SOX5: variants seen among roughly 807,000 people sequenced by gnomAD.
SOX5 encodes transcription factor SOX-5.
In SOX5, 9 loss-of-function variants were observed where a neutral mutation model predicts 92.0. The observed-to-expected ratio is 0.10, with a 90% CI of 0.06 to 0.17. The LOEUF (loss-of-function observed/expected upper bound fraction) is 0.17, where lower values mean the gene tolerates loss of function less well. SOX5 is among the 10% of genes least tolerant of loss of function. The probability of loss-of-function intolerance (pLI) is 1.00; values close to 1 mark genes in which losing one functional copy is unlikely to be tolerated. For missense variants in SOX5, 642 were observed against 944.5 expected (o/e 0.68, Z 4.20); for synonymous variants, 344 against 336.3 (o/e 1.02, Z -0.25).
At chr12:23,864,188 C>T (rs551142321) in intron 2 of SOX5, among the ~76,000 whole-genome samples, 37 of 152,086 alleles carry the variant, frequency 2.4e-4, no homozygotes, top group Admixed American at 1.4e-3. Flanking sequence ...CACCACTAAC[C>T]GCACCCATAT....
At chr12:24,458,258 A>G (rs2137438124) in intron 1 of SOX5, among the ~76,000 whole-genome samples, 1 of 152,332 alleles carries the variant, frequency 6.6e-6, no homozygotes, top group Middle Eastern at 3.4e-3. Flanking sequence ...GTGGACTAAT[A>G]TTTGACATTA....
intron 1 of SOX5, among the ~76,000 whole-genome samples, chr12:23,927,017 G>T (rs1055471811): frequency 2.0e-5 from 3 of 152,028 alleles, no homozygotes; most frequent in Non-Finnish European, 1.5e-5. Flanking sequence ...AAGATGATCT[G>T]CTAATACAAA....
At chr12:23,888,714 A>C (rs747132158) in intron 2 of SOX5, among the ~76,000 whole-genome samples, 1 of 152,182 alleles carries the variant, frequency 6.6e-6, no homozygotes, top group Non-Finnish European at 1.5e-5. Context: ...ATAATGATTG[A>C]ACCACTTACA....
chr12:23,656,651 C>T (rs374192196), intron 7 of SOX5, among the ~76,000 whole-genome samples: 3 of 151,896 alleles, frequency 2.0e-5, no homozygotes. Flanking sequence ...CATATATCCT[C>T]AGGTATATGA....
intron 1 of SOX5, among the ~76,000 whole-genome samples, chr12:24,470,217 T>C (rs1944656783): frequency 6.6e-6 from 1 of 152,214 alleles, no homozygotes; most frequent in African/African-American, 2.4e-5. Flanking sequence ...TGAATTTGAT[T>C]GCCCAATTAC....
intron 4 of SOX5, among the ~76,000 whole-genome samples, chr12:24,145,671 C>CT (rs1212866039): frequency 6.6e-6 from 1 of 151,982 alleles, no homozygotes; most frequent in Non-Finnish European, 1.5e-5. Context: ...GATTTTTTAT[C>CT]TTTTTTGTAT....
At chr12:24,009,373 T>C (rs569643127) in intron 4 of SOX5, among the ~76,000 whole-genome samples, 1 of 152,330 alleles carries the variant, frequency 6.6e-6, no homozygotes, top group East Asian at 1.9e-4. Flanking sequence ...TTTTTGATTC[T>C]TAGGCTCCCA....
At chr12:24,207,012 C>T (rs1958091214) in intron 4 of SOX5, among the ~76,000 whole-genome samples, 1 of 152,204 alleles carries the variant, frequency 6.6e-6, no homozygotes, top group Non-Finnish European at 1.5e-5. Context: ...GGGAATAGGG[C>T]TCCCCTCTTC....
intron 3 of SOX5, among the ~76,000 whole-genome samples, chr12:23,834,545 G>T (rs2096382762): frequency 6.6e-6 from 1 of 151,892 alleles, no homozygotes; most frequent in South Asian, 2.1e-4. Flanking sequence ...TTGGACATTT[G>T]TTAAGGTCTC....
chr12:23,595,559 C>T (rs1952258438), intron 9 of SOX5, among the ~76,000 whole-genome samples: 1 of 135,348 alleles, frequency 7.4e-6, no homozygotes, highest in Non-Finnish European at 1.5e-5. Flanking sequence ...GCGGAGCTTG[C>T]AGTGAGCCCA....
At chr12:23,949,922 G>A (rs777047235), upstream of SOX5, among the ~76,000 whole-genome samples, 4 of 151,298 alleles carry the variant, frequency 2.6e-5, no homozygotes, top group Non-Finnish European at 5.9e-5. Flanking sequence ...CCGGCTGCAA[G>A]GCTCTAGACA....
chr12:23,772,404 G>C (rs1400057654), intron 3 of SOX5, among the ~76,000 whole-genome samples: 1 of 152,080 alleles, frequency 6.6e-6, no homozygotes, highest in Non-Finnish European at 1.5e-5. Flanking sequence ...AAATAACAAA[G>C]CTGGCTAAAA....
chr12:24,408,515 C>T (rs1963460492), intron 1 of SOX5, among the ~76,000 whole-genome samples: 1 of 152,078 alleles, frequency 6.6e-6, no homozygotes, highest in Non-Finnish European at 1.5e-5. Flanking sequence ...CTCAGGTTGC[C>T]TTTTTATAGC....
intron 5 of SOX5, among the ~76,000 whole-genome samples, chr12:23,736,210 T>C (rs1436932007): frequency 2.0e-5 from 3 of 150,810 alleles, no homozygotes; most frequent in Non-Finnish European, 2.9e-5. Context: ...GCCTGTAATC[T>C]CAGCATTTCG....
At chr12:23,862,174 A>C (rs955139413) in intron 2 of SOX5, among the ~76,000 whole-genome samples, 7 of 152,168 alleles carry the variant, frequency 4.6e-5, no homozygotes, top group Non-Finnish European at 8.8e-5. Context: ...AGCAAAGGGA[A>C]TCACATGCAA....
At chr12:24,049,638 G>GTTTTTTTTTTTTTTTT (rs527647441) in intron 4 of SOX5, among the ~76,000 whole-genome samples, 8 of 73,772 alleles carry the variant, frequency 1.1e-4, no homozygotes, top group East Asian at 4.1e-4. Flanking sequence ...ATCCTTCATA[G>GTTTTTTTTTTTTTTTT]TTTTTTTTTT....
At chr12:23,707,078 C>G (rs1186334054) in intron 6 of SOX5, among the ~76,000 whole-genome samples, 1 of 152,072 alleles carries the variant, frequency 6.6e-6, no homozygotes. Context: ...CCTATTAGTG[C>G]AGTTATGAAA....
At chr12:24,246,811 A>G (rs1225424775) in intron 3 of SOX5, among the ~76,000 whole-genome samples, 2 of 152,158 alleles carry the variant, frequency 1.3e-5, no homozygotes, top group African/African-American at 4.8e-5. Flanking sequence ...ATTATTGGAT[A>G]CCCTAGTACT....
At chr12:23,690,997 T>C (rs1485815126) in intron 6 of SOX5, among the ~76,000 whole-genome samples, 2 of 152,208 alleles carry the variant, frequency 1.3e-5, no homozygotes, top group Non-Finnish European at 2.9e-5. Context: ...TGAATGATAA[T>C]TACTCATTTT....
Sources: gnomAD v4.1 joint callset for allele counts (sites outside exome capture counted in the v4.1 genomes callset) on GRCh38, gnomAD v4.1.1 for gene constraint, MANE v1.5 for transcripts, NCBI Gene and HGNC (gene_info 2026-07-23, HGNC 2026-07-21) for gene names.